EIF1AY: variants seen among roughly 807,000 people sequenced by gnomAD.
The protein encoded by EIF1AY is eukaryotic translation initiation factor 1A, Y-chromosomal.
For synonymous variants in EIF1AY, 16 were observed against 9.9 expected (o/e 1.62, Z -1.16); for missense variants, 19 against 30.6 (o/e 0.62, Z 0.89).
intron 3 of EIF1AY, among the ~76,000 whole-genome samples, chrY:20,583,077 G>A: frequency 3.0e-5 from 1 of 33,314 alleles, no homozygotes; most frequent in Non-Finnish European, 7.4e-5. Context: ...TTTGGATTGG[G>A]GGAAATAGTT....
At chrY:20,583,361 C>T (rs754262991) in intron 3 of EIF1AY, among the ~76,000 whole-genome samples, 2 of 29,791 alleles carry the variant, frequency 6.7e-5, no homozygotes, top group South Asian at 1.6e-3. Context: ...GGTGATAGAG[C>T]GAATCTCTAT....
intron 6 of EIF1AY, among the ~76,000 whole-genome samples, chrY:20,590,339 T>C (rs2089358226): frequency 3.1e-5 from 1 of 32,405 alleles, no homozygotes; most frequent in Non-Finnish European, 7.5e-5. Context: ...TTACCAGAGC[T>C]TTTAAAAATT....
intron 5 of EIF1AY, 194 bp from the exon 6 acceptor site, chrY:20,589,289 AC>A: frequency 8.6e-6 from 1 of 115,972 alleles, no homozygotes; most frequent in East Asian, 1.6e-4. Flanking sequence ...CACCCTCTGC[AC>A]CCTCTGAGAC....
At chrY:20,578,170 G>C (rs2089348033) in intron 1 of EIF1AY, among the ~76,000 whole-genome samples, 2 of 32,789 alleles carry the variant, frequency 6.1e-5, no homozygotes, top group Non-Finnish European at 1.5e-4. Flanking sequence ...CAGTATTGTC[G>C]TGGTGAGGTT....
intron 4 of EIF1AY, 110 bp from the exon 5 acceptor site, chrY:20,587,914 C>A: frequency 5.7e-6 from 1 of 176,845 alleles, no homozygotes; most frequent in Non-Finnish European, 1.0e-5. Context: ...GAGTTTGTAA[C>A]AAACAGTATG....
chrY:20,581,405 C>T, intron 2 of EIF1AY, among the ~76,000 whole-genome samples: 1 of 31,710 alleles, frequency 3.2e-5, no homozygotes, highest in Non-Finnish European at 7.6e-5. Context: ...GATCTCGGCT[C>T]AGGGCAATGT....
chrY:20,581,669 C>T, intron 2 of EIF1AY, among the ~76,000 whole-genome samples: 1 of 32,821 alleles, frequency 3.0e-5, no homozygotes, highest in African/African-American at 1.2e-4. Flanking sequence ...GAATAATCAC[C>T]GAGATATTCT....
chrY:20,584,384 T>C, intron 3 of EIF1AY, 90 bp from the exon 4 acceptor site: 1 of 125,665 alleles, frequency 8.0e-6, no homozygotes, highest in Non-Finnish European at 1.4e-5. Flanking sequence ...ACTTGGTGAA[T>C]AGTATACCTG....
intron 4 of EIF1AY, chrY:20,586,916 G>A (rs754423610): frequency 1.8e-3 from 61 of 33,754 alleles, no homozygotes; most frequent in Admixed American, 0.016. Flanking sequence ...AACAAAAACT[G>A]GTTTGCACAT....
chrY:20,585,036 A>G, intron 4 of EIF1AY, among the ~76,000 whole-genome samples: 4 of 33,889 alleles, frequency 1.2e-4, no homozygotes, highest in African/African-American at 4.6e-4. Context: ...TTAAATATAT[A>G]TTTTAATAAC....
chrY:20,591,311 C>T, intron 6 of EIF1AY, among the ~76,000 whole-genome samples: 1 of 32,712 alleles, frequency 3.1e-5, no homozygotes, highest in African/African-American at 1.2e-4. Flanking sequence ...TGGTTTACTA[C>T]ATCTTCAGGG....
intron 1 of EIF1AY, among the ~76,000 whole-genome samples, chrY:20,578,912 A>G (rs2089348627): frequency 5.9e-5 from 2 of 33,645 alleles, no homozygotes; most frequent in African/African-American, 2.3e-4. Flanking sequence ...GTTTAGTAAT[A>G]AGCAAAAACT....
At chrY:20,581,285 T>C in intron 2 of EIF1AY, among the ~76,000 whole-genome samples, 1 of 33,738 alleles carries the variant, frequency 3.0e-5, no homozygotes, top group African/African-American at 1.2e-4. Flanking sequence ...ACTGGATTTT[T>C]GTAAAATGGA....
intron 6 of EIF1AY, 108 bp downstream of exon 6, chrY:20,589,683 G>T: frequency 5.3e-6 from 1 of 190,186 alleles, no homozygotes. Context: ...AGCTTCGGCA[G>T]TAGGCACTTC....
At chrY:20,589,934 G>A (rs2089357678) in intron 6 of EIF1AY, among the ~76,000 whole-genome samples, 1 of 33,396 alleles carries the variant, frequency 3.0e-5, no homozygotes, top group Non-Finnish European at 7.4e-5. Context: ...GTTAGTTTGT[G>A]CTTATTTTGT....
intron 5 of EIF1AY, 155 bp downstream of exon 5, chrY:20,588,260 T>C: frequency 1.1e-5 from 1 of 87,175 alleles, no homozygotes; most frequent in Non-Finnish European, 2.2e-5. Context: ...TCAGTTTACT[T>C]ATGATACTTT....
chrY:20,588,197 A>C, intron 5 of EIF1AY, 92 bp downstream of exon 5: 1 of 176,981 alleles, frequency 5.7e-6, no homozygotes, highest in South Asian at 5.3e-5. Flanking sequence ...CTTGTTTTAC[A>C]TACTGTTTTA....
intron 6 of EIF1AY, among the ~76,000 whole-genome samples, chrY:20,591,739 C>G (rs757179857): frequency 3.0e-5 from 1 of 33,458 alleles, no homozygotes; most frequent in African/African-American, 1.2e-4. Context: ...AGAACCTATC[C>G]AGACTACCTA....
chrY:20,589,420 A>G, intron 5 of EIF1AY, 64 bp from the exon 6 acceptor site: 1 of 314,687 alleles, frequency 3.2e-6, no homozygotes, highest in Admixed American at 8.0e-5. Context: ...TCTGCCTACC[A>G]TGGCCTCCCA....
Sources: gnomAD v4.1 joint callset for allele counts (sites outside exome capture counted in the v4.1 genomes callset) on GRCh38, gnomAD v4.1.1 for gene constraint, MANE v1.5 for transcripts, NCBI Gene and HGNC (gene_info 2026-07-23, HGNC 2026-07-21) for gene names.